Variants in TINAGL1 observed in about 807,000 individuals in gnomAD.
TINAGL1 encodes the protein tubulointerstitial nephritis antigen like 1, also known as tubulointerstitial nephritis antigen-like.
In TINAGL1, 34 loss-of-function variants were observed where a neutral mutation model predicts 62.0. The ratio of observed to expected loss-of-function variants is 0.55; its 90% CI spans 0.42 to 0.73. The LOEUF (loss-of-function observed/expected upper bound fraction) is 0.73. Ranked by LOEUF, TINAGL1 falls within the 30% of genes least tolerant of loss-of-function variation. The pLI is 0.00. For synonymous variants in TINAGL1, 221 were observed against 249.7 expected, an observed-to-expected ratio of 0.88 and a Z score of 1.08; for missense variants, 516 against 653.2, an observed-to-expected ratio of 0.79 and a Z score of 2.29.
In TINAGL1 at chr1:31,577,451, G is replaced by A. The variant is rs149864403; in HGVS notation, c.303G>A (p.Pro101=). ...FCLGVPPPFP[P]IQGCMHGGRI... is the part of the protein sequence containing the mutation. The stretch of plus-strand genomic sequence containing the variant: ...TCGGCGTGCCACCCCCTTTTCCCCC[G>A]ATCCAAGGTGGGCACTAAGATGGCC... Residue 101 remains proline (P), a synonymous_variant, in exon 2 of 12, where the codon CCG becomes CCA. Coordinates refer to ENST00000271064, the MANE Select transcript of TINAGL1 (RefSeq NM_022164.3). This position sits in a 1 kb window ranked among gnomAD's most constrained non-coding sequence, Gnocchi z 5.4. 137 of 1,608,094 alleles carry A rather than the reference G, an allele frequency of 8.5e-5. No homozygotes were observed. The African/African-American group carries it at 1.4e-3, about 16-fold the overall frequency.
Position 31,577,296 on chromosome 1 carries a change from G to A in TINAGL1, c.148G>A (p.Glu50Lys), listed in dbSNP as rs1381056386. Residue 50 changes from glutamate (E) to lysine (K), a missense_variant, in exon 2 of 12, where the codon GAG (glutamate) becomes AAG (lysine). Glu to Lys is a moderately conservative substitution (Grantham distance 56). Coordinates refer to ENST00000271064, the MANE Select transcript of TINAGL1 (RefSeq NM_022164.3). This position sits in a 1 kb window ranked among gnomAD's most constrained non-coding sequence, Gnocchi z 5.4. ...GGACGCGGGAGGCCGGTACTGCCAG[G>A]AGCAGGACCTGTGCTGCCGCGGCCG... ...IRDAGGRYCQ[E>K]QDLCCRGRAD... 9.9e-6 allele frequency: 16 copies of A among 1,613,260 alleles called. No homozygotes were observed. Among genetic ancestry groups the A allele is most frequent in the South Asian group, 1.1e-5 (1 of 91,064 alleles).
chr1:31,582,196 G>A (rs1342252224), intron 3 of TINAGL1, among the ~76,000 whole-genome samples: 1 of 152,110 alleles, frequency 6.6e-6, no homozygotes, highest in African/African-American at 2.4e-5. Context: ...TGGGTGTGGT[G>A]GTGCACTTGT....
chr1:31,577,100 G>T lies in TINAGL1; in HGVS notation c.-15-34G>T. The T allele has an allele frequency of 7.0e-7, 1 of 1,427,802 alleles. No homozygotes were observed. 88.4% of individuals were successfully genotyped at this position (1,427,802 alleles called of 1,614,324 possible). On this transcript the variant is annotated intron_variant, in intron 1 of 11. Transcript: ENST00000271064. The surrounding 1 kb of genome is among the most constrained non-coding windows in gnomAD (Gnocchi z 5.4). ...GGGAGACTCATCCCTGGTGTTCCAG[G>T]GAGTCTCTGCTGCCCACCATCTCTG...
rs1276954052 is a variant in TINAGL1, at chr1:31,578,977, T to C, written c.311-227T>C. ...TGTGTGTGTGTGATGCCTTCAGTTA[T>C]AGTTTAATTTTAGTGACAGCTGGTG... On this transcript the variant is annotated intron_variant, in intron 2 of 11. Transcript: ENST00000271064. Among the ~76,000 whole-genome samples, 13 of 126,912 alleles carry C rather than the reference T, an allele frequency of 1.0e-4. 1 individual carries two copies. The highest frequency in any genetic ancestry group is 4.9e-4 in the Admixed American group (6 of 12,198). The allele number at this position is 126,912 out of a possible 152,430, so 83.3% of individuals were successfully genotyped here.
At chr1:31,586,534 A>G in intron 10 of TINAGL1, 176 bp from the exon 11 acceptor site, 1 of 717,848 alleles carries the variant, frequency 1.4e-6, no homozygotes. Flanking sequence ...GGGTGCACCG[A>G]CTTACAGATG....
chr1:31,583,257 G>A lies in TINAGL1; in HGVS notation c.467+16G>A. 1 of 1,612,722 alleles carries A rather than the reference G, an allele frequency of 6.2e-7. No individual in the cohort carries two copies. The highest frequency in any genetic ancestry group is 1.1e-5 in the South Asian group (1 of 91,042). On this transcript the variant is annotated intron_variant, in intron 4 of 11. Coordinates refer to ENST00000271064, the MANE Select transcript of TINAGL1 (RefSeq NM_022164.3). This position sits in a 1 kb window ranked among gnomAD's most constrained non-coding sequence, Gnocchi z 4.4. ...GCAACTATGGGTGAGAGGCCCTAGA[G>A]GCACCCTCAGTGGGCACACATGCAT...
rs557039106 is a variant in TINAGL1 at position 31,584,272 on chromosome 1, G to A, written c.583-406G>A. 2.5e-4 allele frequency: 47 copies of A among 188,184 alleles called. No individual in the cohort carries two copies. The highest frequency in any genetic ancestry group is 4.8e-4 in the Admixed American group (9 of 18,752). 11.7% of individuals were successfully genotyped at this position (188,184 alleles called of 1,614,324 possible). ...TTGTGTTGGCAGACTGCCTGGTCAC[G>A]GGACCCTACTGCCTCTTCCCTCCCC... On this transcript the variant is annotated intron_variant, in intron 5 of 11. Transcript: ENST00000271064. This position sits in a 1 kb window ranked among gnomAD's most constrained non-coding sequence, Gnocchi z 4.0.
Position 31,576,888 on chromosome 1 carries a change from C to G in TINAGL1, c.-15-246C>G, listed in dbSNP as rs546614129. On this transcript the variant is annotated intron_variant, in intron 1 of 11. Transcript: ENST00000271064. This position sits in a 1 kb window ranked among gnomAD's most constrained non-coding sequence, Gnocchi z 5.1. ...GGTGGGAGCACCAAGAATGCCACCA[C>G]CCTCATTTCCTTGTCCTTGAAGGTC... 1 of 441,298 alleles carries G rather than the reference C, an allele frequency of 2.3e-6. No individual in the cohort carries two copies. Among genetic ancestry groups the G allele is most frequent in the Non-Finnish European group, 4.0e-6 (1 of 250,102 alleles). 27.3% of individuals were successfully genotyped at this position (441,298 alleles called of 1,614,324 possible).
chr1:31,582,573 G>A (rs1489362987), intron 3 of TINAGL1, among the ~76,000 whole-genome samples: 1 of 152,166 alleles, frequency 6.6e-6, no homozygotes, highest in Non-Finnish European at 1.5e-5. Flanking sequence ...TGGCAGCTGT[G>A]TTAAAAATAC....
intron 10 of TINAGL1, 50 bp from the exon 11 acceptor site, chr1:31,586,660 T>G (rs1436268894): frequency 6.4e-7 from 1 of 1,553,008 alleles, no homozygotes; most frequent in Non-Finnish European, 8.7e-7. Context: ...TTGGAGCTCC[T>G]GAGAGCAGGT....
At position 31,576,934 on chromosome 1, in the gene TINAGL1, G is replaced by A. The variant is rs1638978122; in HGVS notation, c.-15-200G>A. ...AGGTCCCTGCCTAGGTCAGGGAGGG[G>A]CTCCGTTTCTGCCCAGTCCCCATCC... On this transcript the variant is annotated intron_variant, in intron 1 of 11. Transcript: ENST00000271064. The surrounding 1 kb of genome is among the most constrained non-coding windows in gnomAD (Gnocchi z 5.1). The A allele has an allele frequency of 3.9e-6, 2 of 511,946 alleles. No homozygotes were observed. Among genetic ancestry groups the A allele is most frequent in the Admixed American group, 3.7e-5 (1 of 27,102 alleles). 31.7% of individuals were successfully genotyped at this position (511,946 alleles called of 1,614,324 possible). A position where few individuals can be genotyped will look rare whatever the true frequency, so the allele number is the denominator to read the frequency against.
chr1:31,580,229 CTCTCTCTGTCTCTCTCTCTCTG>C (rs1570204025), intron 3 of TINAGL1: 6 of 1,006,504 alleles, frequency 6.0e-6, no homozygotes, highest in African/African-American at 3.5e-5. Flanking sequence ...CTCTCTCTGT[CTCTCTCTGTCTCTCTCTCTCTG>C]TCTCTCTCTC....
intron 3 of TINAGL1, among the ~76,000 whole-genome samples, chr1:31,581,237 C>T (rs1029564234): frequency 7.2e-6 from 1 of 139,624 alleles, no homozygotes; most frequent in Non-Finnish European, 1.6e-5. Context: ...AGAGAGCACA[C>T]GGTCTGATTT....
In TINAGL1 at chr1:31,584,858, C is replaced by T. The variant is rs149209488; in HGVS notation, c.707-28C>T. On this transcript the variant is annotated intron_variant, in intron 6 of 11. Transcript: ENST00000271064. This position sits in a 1 kb window ranked among gnomAD's most constrained non-coding sequence, Gnocchi z 4.0. The stretch of plus-strand genomic sequence containing the variant: ...GAGGAGGGCCAAGTCCTGAGCCTCC[C>T]GACAGCCCCTCTATCTCACCCCACC... The T allele has an allele frequency of 1.1e-5, 17 of 1,613,506 alleles. No individual in the cohort carries two copies. The highest frequency in any genetic ancestry group is 1.7e-4 in the Middle Eastern group (1 of 6,058).
rs1351154671 is a variant in TINAGL1, at chr1:31,586,724, C to T, written c.1232C>T (p.Thr411Met). The change falls in exon 11 of 12, where the codon ACG becomes ATG. Residue 411 changes from threonine (T) to methionine (M), a missense_variant. Coordinates refer to ENST00000271064, the MANE Select transcript of TINAGL1 (RefSeq NM_022164.3). ...SVKITGWGEE[T>M]LPDGRTLKYW... ...TCTGCCCACAGATGGGGAGAGGAGA[C>T]GCTGCCAGATGGAAGGACGCTCAAA... The T allele has an allele frequency of 5.1e-6, 8 of 1,557,614 alleles. No homozygotes were observed. Among genetic ancestry groups the T allele is most frequent in the Non-Finnish European group, 6.1e-6 (7 of 1,150,314 alleles).
At chr1:31,580,227 G>C (rs12759172) in intron 3 of TINAGL1, 159,360 of 526,220 alleles carry the variant, frequency 0.3, 2,606 homozygotes, top group Non-Finnish European at 0.33. Context: ...CTCTCTCTCT[G>C]TCTCTCTCTG....
At chr1:31,579,307 C>T in intron 3 of TINAGL1, 40 bp downstream of exon 3, 1 of 1,572,476 alleles carries the variant, frequency 6.4e-7, no homozygotes, top group Non-Finnish European at 8.8e-7. Flanking sequence ...CTTTGTGAGC[C>T]TGTGGCTGAC....
At position 31,583,735 on chromosome 1, in the gene TINAGL1, T is replaced by G. The variant is rs1639309995; in HGVS notation, c.582+160T>G. ...TCCCCTTCTCTGGGCCTCTGTTCCC[T>G]GCTTCCACAGGATGTGCTGTGCTGG... On this transcript the variant is annotated intron_variant, in intron 5 of 11. Transcript: ENST00000271064. The surrounding 1 kb of genome is among the most constrained non-coding windows in gnomAD (Gnocchi z 4.4). 6.2e-6 allele frequency: 4 copies of G among 646,132 alleles called. No individual in the cohort carries two copies. The Admixed American group carries it at 1.1e-4, about 17-fold the overall frequency. 40.0% of individuals were successfully genotyped at this position (646,132 alleles called of 1,614,324 possible).
intron 2 of TINAGL1, 26 bp from the exon 3 acceptor site, chr1:31,579,178 A>ACTTCT (rs1223644938): frequency 6.2e-7 from 1 of 1,608,032 alleles, no homozygotes; most frequent in African/African-American, 1.3e-5. Flanking sequence ...TTCTGGTTCC[A>ACTTCT]CTTCTCTTCT....
Sources: gnomAD v4.1 joint callset for allele counts (sites outside exome capture counted in the v4.1 genomes callset) on GRCh38, gnomAD v4.1.1 for gene constraint, Gnocchi (gnomAD v3.1) non-coding constraint, MANE v1.5 for transcripts, NCBI Gene and HGNC (gene_info 2026-07-23, HGNC 2026-07-21) for gene names.